HP1BP3: variants seen among roughly 807,000 people sequenced by gnomAD.
HP1BP3 encodes the protein heterochromatin protein 1 binding protein 3.
Under a neutral mutation model 62.5 loss-of-function variants are expected in HP1BP3, and 12 were observed. The ratio of observed to expected loss-of-function variants is 0.19; its 90% CI spans 0.12 to 0.31. The LOEUF (loss-of-function observed/expected upper bound fraction) is 0.31. Ranked by LOEUF, HP1BP3 falls within the 10% of genes least tolerant of loss-of-function variation. The pLI is 1.00. For synonymous variants in HP1BP3, 260 were observed against 237.8 expected, an observed-to-expected ratio of 1.09 and a Z score of -0.86; for missense variants, 502 against 651.8, an observed-to-expected ratio of 0.77 and a Z score of 2.50.
chr1:20,748,654 G>A lies in HP1BP3; in HGVS notation c.1142-999C>T, dbSNP rs12723997. Among the ~76,000 whole-genome samples, 432 of 152,234 alleles carry A rather than the reference G, an allele frequency of 2.8e-3. 5 individuals carry two copies. Among genetic ancestry groups the A allele is most frequent in the African/African-American group, 0.01 (420 of 41,526 alleles). On this transcript the variant is annotated intron_variant, in intron 10 of 12. Transcript: ENST00000438032. ...AGGTGCCTGTAGTCCCAGCTACTCA[G>A]GGGGTGGAGGTAGGAGAATGGCGTG...
intron 4 of HP1BP3, 41 bp from the exon 5 acceptor site, chr1:20,773,651 T>C: frequency 2.2e-6 from 3 of 1,366,186 alleles, no homozygotes; most frequent in Non-Finnish European, 3.0e-6. Flanking sequence ...ATAAGCTCTC[T>C]AGAAAGACGT....
At chr1:20,767,494 C>G in intron 7 of HP1BP3, 90 bp downstream of exon 7, 1 of 884,190 alleles carries the variant, frequency 1.1e-6, no homozygotes, top group Non-Finnish European at 1.9e-6. Flanking sequence ...TTGCATAGTG[C>G]CAGGCACACA....
At chr1:20,760,042 C>T (rs1316690940) in intron 8 of HP1BP3, among the ~76,000 whole-genome samples, 1 of 152,008 alleles carries the variant, frequency 6.6e-6, no homozygotes, top group African/African-American at 2.4e-5. Flanking sequence ...GCATGTGCCA[C>T]CATGCCCGGC....
intron 5 of HP1BP3, among the ~76,000 whole-genome samples, chr1:20,772,472 G>A (rs2154541056): frequency 6.6e-6 from 1 of 151,514 alleles, no homozygotes; most frequent in African/African-American, 2.4e-5. Context: ...TTTCACTACA[G>A]TGAGGTAATC....
At chr1:20,769,619 A>G (rs922243083) in intron 6 of HP1BP3, among the ~76,000 whole-genome samples, 6 of 152,032 alleles carry the variant, frequency 3.9e-5, no homozygotes, top group Admixed American at 3.9e-4. Flanking sequence ...TCACCTTGCT[A>G]TGTTGCCCAG....
intron 3 of HP1BP3, 60 bp downstream of exon 3, chr1:20,779,752 G>A (rs1232068857): frequency 1.9e-6 from 2 of 1,058,608 alleles, no homozygotes; most frequent in Non-Finnish European, 2.8e-6. Flanking sequence ...GAATTTATGG[G>A]ACACTCCAAA....
At chr1:20,763,506 A>C (rs35833017) in intron 8 of HP1BP3, among the ~76,000 whole-genome samples, 4,251 of 152,324 alleles carry the variant, frequency 0.028, 90 homozygotes, top group Middle Eastern at 0.048. Flanking sequence ...TTCTAATTGC[A>C]TGCCTCAGTA....
At chr1:20,761,515 G>C (rs994374016) in intron 8 of HP1BP3, among the ~76,000 whole-genome samples, 4 of 131,158 alleles carry the variant, frequency 3.0e-5, no homozygotes, top group African/African-American at 8.6e-5. Flanking sequence ...GGGATTTTTG[G>C]GGGGAGAGGG....
At position 20,767,607 on chromosome 1, in the gene HP1BP3, G is replaced by A; in HGVS notation, c.712C>T (p.Pro238Ser). The change falls in exon 7 of 13, where the codon CCT (proline) becomes TCT (serine). Residue 238 changes from proline to serine, a missense_variant. Transcript: ENST00000438032. Reference sequence around the variant, plus strand: ...ACCTTTCTGTTTCTGGATTTCTGAGGTGTTTTTCTTGATTTCTGAACCACA... The same window carrying A: ...ACCTTTCTGTTTCTGGATTTCTGAGATGTTTTTCTTGATTTCTGAACCACA... ...FVVVQKSRKT[P>S]QKSRNRKNRS... 1 of 1,610,392 alleles carries A rather than the reference G, an allele frequency of 6.2e-7. No individual in the cohort carries two copies. The highest frequency in any genetic ancestry group is 8.5e-7 in the Non-Finnish European group (1 of 1,177,762).
rs1259844522 is a variant in HP1BP3, at chr1:20,743,179, GGAAA to G, written c.*1614_*1617del. 1.3e-5 allele frequency: 2 copies of G among 150,322 alleles called. No homozygotes were observed. Among genetic ancestry groups the G allele is most frequent in the African/African-American group, 2.5e-5 (1 of 40,752 alleles). 9.3% of individuals were successfully genotyped at this position (150,322 alleles called of 1,614,324 possible). On this transcript the variant is annotated 3_prime_UTR_variant, in exon 13 of 13. Coordinates refer to ENST00000438032, the MANE Select transcript of HP1BP3 (RefSeq NM_001372052.1). Reference sequence around the variant, plus strand: ...ACTTGCTTGATATCAAAAGTGCTGTGGAAAGAAAGGAGGGGAAAAAAACCCACAA... The same window carrying G: ...ACTTGCTTGATATCAAAAGTGCTGTGGAAAGGAGGGGAAAAAAACCCACAA...
intron 8 of HP1BP3, among the ~76,000 whole-genome samples, chr1:20,758,664 G>A (rs1313838761): frequency 7.2e-6 from 1 of 138,376 alleles, no homozygotes; most frequent in Non-Finnish European, 1.5e-5. Context: ...TTTTTTTTCT[G>A]AGAGAGGATC....
In HP1BP3 at chr1:20,757,358, C is replaced by CTAT. The variant is rs200530725; in HGVS notation, c.891-105_891-103dup. ...ATTCCCAGATCTAGAGTTCTGATTA[C>CTAT]TATTATTATTATTATTTTTTTTTTT... On this transcript the variant is annotated intron_variant, in intron 8 of 12. Coordinates refer to ENST00000438032, the MANE Select transcript of HP1BP3 (RefSeq NM_001372052.1). The CTAT allele has an allele frequency of 1.1e-3, 464 of 435,442 alleles. 16 individuals carry two copies. Among genetic ancestry groups the CTAT allele is most frequent in the South Asian group, 5.5e-3 (106 of 19,136 alleles). The allele number at this position is 435,442 out of a possible 1,614,324, so 27.0% of individuals were successfully genotyped here.
rs2055125654 is a variant in HP1BP3, at chr1:20,742,951, T to C, written c.*1846A>G. Reference sequence around the variant, plus strand: ...TGGCAGTACTCAAGGGGCCAGAAGATGTACTTCAAAAACTTTAAGACAATT... The same window carrying C: ...TGGCAGTACTCAAGGGGCCAGAAGACGTACTTCAAAAACTTTAAGACAATT... On this transcript the variant is annotated 3_prime_UTR_variant, in exon 13 of 13. Transcript: ENST00000438032. 6.6e-6 allele frequency: 1 copy of C among 152,628 alleles called. No homozygotes were observed. Among genetic ancestry groups the C allele is most frequent in the Non-Finnish European group, 1.5e-5 (1 of 68,036 alleles). 9.5% of individuals were successfully genotyped at this position (152,628 alleles called of 1,614,324 possible). A position where few individuals can be genotyped will look rare whatever the true frequency, so the allele number is the denominator to read the frequency against.
chr1:20,782,899 CAAAAAAAAGAAAAAAAAAAA>C (rs1313800362), intron 1 of HP1BP3, among the ~76,000 whole-genome samples: 5 of 69,812 alleles, frequency 7.2e-5, no homozygotes, highest in Admixed American at 3.5e-4. Context: ...GACTCCTTCT[CAAAAAAAAGAAAAAAAAAAA>C]AAAAAAAAGA....
chr1:20,762,382 C>T (rs1432736128), intron 8 of HP1BP3, among the ~76,000 whole-genome samples: 2 of 151,918 alleles, frequency 1.3e-5, no homozygotes, highest in Non-Finnish European at 2.9e-5. Flanking sequence ...AACACACTAC[C>T]TTATGTAAGT....
intron 6 of HP1BP3, 84 bp from the exon 7 acceptor site, chr1:20,767,748 C>A: frequency 6.2e-6 from 5 of 807,152 alleles, no homozygotes; most frequent in African/African-American, 1.8e-5. Context: ...AATGCAAGAG[C>A]TAATGTAAAG....
intron 8 of HP1BP3, among the ~76,000 whole-genome samples, chr1:20,761,680 C>G (rs751754213): frequency 6.6e-6 from 1 of 152,118 alleles, no homozygotes; most frequent in Non-Finnish European, 1.5e-5. Context: ...CTGGTATTTA[C>G]AGTTTTGCAA....
intron 8 of HP1BP3, among the ~76,000 whole-genome samples, chr1:20,761,052 T>C (rs2056439403): frequency 6.6e-6 from 1 of 152,054 alleles, no homozygotes; most frequent in African/African-American, 2.4e-5. Context: ...TTTATTTTAT[T>C]TATTTATTTG....
chr1:20,746,926 G>T (rs1219531658), intron 11 of HP1BP3, among the ~76,000 whole-genome samples: 1 of 152,204 alleles, frequency 6.6e-6, no homozygotes, highest in Non-Finnish European at 1.5e-5. Context: ...TGAGGTGGGA[G>T]GATCACTTGA....
Sources: gnomAD v4.1 joint callset for allele counts (sites outside exome capture counted in the v4.1 genomes callset) on GRCh38, gnomAD v4.1.1 for gene constraint, MANE v1.5 for transcripts, NCBI Gene and HGNC (gene_info 2026-07-23, HGNC 2026-07-21) for gene names.